The following FHOD3 variants were observed in gnomAD, a reference collection of about 807,000 sequenced individuals.
The protein encoded by FHOD3 is FH1/FH2 domain-containing protein 3.
A neutral mutation model predicts 173.0 loss-of-function variants in FHOD3; 90 were observed. The ratio of observed to expected loss-of-function variants is 0.52; its 90% CI spans 0.44 to 0.62. The LOEUF is 0.62. Among genes scored for constraint, FHOD3 ranks in the 20% least tolerant of loss-of-function variants. The pLI is 0.00. For missense variants in FHOD3, 1,945 were observed against 2,034.7 expected (o/e 0.96, Z 0.85); for synonymous variants, 828 against 823.0 (o/e 1.01, Z -0.10).
intron 5 of FHOD3, among the ~76,000 whole-genome samples, chr18:36,531,168 A>G (rs2056763443): frequency 6.6e-6 from 1 of 152,126 alleles, no homozygotes; most frequent in African/African-American, 2.4e-5. Flanking sequence ...CTGGACAGTG[A>G]TCGAGCTGTA....
rs897868392 is a variant in FHOD3, at chr18:36,652,030, G to A, written c.1287-540G>A. On this transcript the variant is annotated intron_variant, in intron 11 of 28. Transcript: ENST00000590592. ...CTCTTTTTAGCTCTTTGCCTTCCTC[G>A]CTGGCATTTTTTCTCCTTTTCTCTT... 2.6e-5 allele frequency among the ~76,000 whole-genome samples: 4 copies of A among 152,112 alleles called. No homozygotes were observed. In the South Asian group the frequency reaches 6.2e-4, roughly 24 times the overall value.
intron 5 of FHOD3, among the ~76,000 whole-genome samples, chr18:36,547,730 C>G (rs1274283261): frequency 1.3e-5 from 2 of 152,170 alleles, no homozygotes; most frequent in African/African-American, 4.8e-5. Flanking sequence ...ACCCGCAGAT[C>G]GTTGGAGGCA....
intron 3 of FHOD3, among the ~76,000 whole-genome samples, chr18:36,439,626 C>T (rs1054214640): frequency 1.3e-5 from 2 of 151,448 alleles, no homozygotes; most frequent in African/African-American, 4.9e-5. Context: ...CAAGAAGTCT[C>T]ATGATCTGCT....
At chr18:36,694,418 C>G (rs2039139020) in intron 17 of FHOD3, among the ~76,000 whole-genome samples, 4 of 152,210 alleles carry the variant, frequency 2.6e-5, no homozygotes, top group Admixed American at 2.0e-4. Context: ...GGCTCCTCCA[C>G]AGCTTCCCGT....
chr18:36,670,429 C>A (rs117072418), intron 14 of FHOD3, among the ~76,000 whole-genome samples: 3,689 of 152,006 alleles, frequency 0.024, 57 homozygotes, highest in Non-Finnish European at 0.038. Context: ...TTTCATTTTG[C>A]TTCATTTTGA....
At chr18:36,566,732 G>A (rs1225368273) in intron 5 of FHOD3, among the ~76,000 whole-genome samples, 3 of 152,168 alleles carry the variant, frequency 2.0e-5, no homozygotes, top group African/African-American at 7.2e-5. Flanking sequence ...ACCTGGGGCA[G>A]TAGTAGAGAG....
In FHOD3 at chr18:36,300,632, T is replaced by A. The variant is rs569750026; in HGVS notation, c.165+2632T>A. ...GTGGAGTTCTGTGCAGCGAGCGCAT[T>A]CTCAGTGGTACAAAGAGGGGAGAAG... On this transcript the variant is annotated intron_variant, in intron 1 of 28. Coordinates refer to ENST00000590592, the MANE Select transcript of FHOD3 (RefSeq NM_001281740.3). Among the ~76,000 whole-genome samples, 9 of 152,252 alleles carry A rather than the reference T, an allele frequency of 5.9e-5. No individual in the cohort carries two copies. In the South Asian group the frequency reaches 1.2e-3, roughly 21 times the overall value.
intron 6 of FHOD3, among the ~76,000 whole-genome samples, chr18:36,578,938 T>C (rs2058753087): frequency 1.3e-5 from 2 of 152,160 alleles, no homozygotes; most frequent in South Asian, 2.1e-4. Context: ...CCTCAGAAGA[T>C]TGAAAATCTT....
At chr18:36,335,364 G>A (rs922676366) in intron 1 of FHOD3, among the ~76,000 whole-genome samples, 3 of 151,692 alleles carry the variant, frequency 2.0e-5, no homozygotes, top group South Asian at 2.1e-4. Context: ...GCGTGGTAGC[G>A]GGCGCCTGTA....
chr18:36,380,568 T>C (rs201686930), intron 3 of FHOD3, among the ~76,000 whole-genome samples: 2,113 of 81,572 alleles, frequency 0.026, 42 homozygotes, highest in East Asian at 0.1. Flanking sequence ...TTTTCTTTTC[T>C]TTTCTTTTCT....
At chr18:36,300,023 C>T (rs1240495847) in intron 1 of FHOD3, among the ~76,000 whole-genome samples, 1 of 152,162 alleles carries the variant, frequency 6.6e-6, no homozygotes, top group Non-Finnish European at 1.5e-5. Flanking sequence ...GGATGATCCA[C>T]CTTGATAGAA....
chr18:36,770,151 T>C (rs1029014119), intron 28 of FHOD3, among the ~76,000 whole-genome samples: 1 of 152,194 alleles, frequency 6.6e-6, no homozygotes, highest in African/African-American at 2.4e-5. Context: ...GCATGAGCTG[T>C]GGCCTTGAGT....
intron 9 of FHOD3, among the ~76,000 whole-genome samples, chr18:36,619,978 G>A (rs2033569109): frequency 6.6e-6 from 1 of 152,168 alleles, no homozygotes; most frequent in Non-Finnish European, 1.5e-5. Context: ...TTCAGAGCCT[G>A]GGGGACATTG....
At chr18:36,449,296 C>G (rs1259216101) in intron 3 of FHOD3, among the ~76,000 whole-genome samples, 1 of 136,692 alleles carries the variant, frequency 7.3e-6, no homozygotes, top group Non-Finnish European at 1.5e-5. Context: ...ATTTGTTATT[C>G]TTATGAAGTA....
At position 36,579,455 on chromosome 18, in the gene FHOD3, T is replaced by C. The variant is rs181801410; in HGVS notation, c.606+2910T>C. On this transcript the variant is annotated intron_variant, in intron 6 of 28. Transcript: ENST00000590592. ...AAGGTGGGATGGGTATGGGGAAGAATCACTGTGAGCAGGGAGAGATTACAT... is the reference window on the plus strand; with the variant it reads ...AAGGTGGGATGGGTATGGGGAAGAACCACTGTGAGCAGGGAGAGATTACAT... 2.6e-4 allele frequency among the ~76,000 whole-genome samples: 39 copies of C among 152,272 alleles called. 1 individual carries two copies. Among genetic ancestry groups the C allele is most frequent in the Admixed American group, 2.0e-3 (31 of 15,284 alleles).
At chr18:36,619,111 A>G (rs911448396) in intron 9 of FHOD3, among the ~76,000 whole-genome samples, 1 of 151,972 alleles carries the variant, frequency 6.6e-6, no homozygotes, top group Non-Finnish European at 1.5e-5. Flanking sequence ...GCCATCTTGT[A>G]TTTCATTCAT....
Position 36,561,628 on chromosome 18 carries a change from T to C in FHOD3, c.512-14823T>C, listed in dbSNP as rs150351630. ...TCAATGACATTAAATATCTTCATAA[T>C]GTTGTGCCACCATCATCACTATTTA... On this transcript the variant is annotated intron_variant, in intron 5 of 28. Transcript: ENST00000590592. 5.6e-4 allele frequency among the ~76,000 whole-genome samples: 85 copies of C among 152,314 alleles called. No homozygotes were observed. The East Asian group carries it at 0.015, about 28-fold the overall frequency.
chr18:36,689,862 G>A (rs894976353), intron 16 of FHOD3, among the ~76,000 whole-genome samples: 1 of 152,178 alleles, frequency 6.6e-6, no homozygotes, highest in Admixed American at 6.5e-5. Flanking sequence ...GATCAATGAA[G>A]CAGTAAGAAA....
intron 27 of FHOD3, among the ~76,000 whole-genome samples, chr18:36,767,413 G>A (rs1008605646): frequency 6.6e-6 from 1 of 152,050 alleles, no homozygotes; most frequent in Non-Finnish European, 1.5e-5. Flanking sequence ...TCTGTCTCCC[G>A]GGTTCAAGAG....
Sources: allele counts gnomAD v4.1 joint callset (sites outside exome capture counted in the v4.1 genomes callset), GRCh38; gene constraint gnomAD v4.1.1; transcripts MANE v1.5; gene names NCBI Gene and HGNC (gene_info 2026-07-23, HGNC 2026-07-21).